The following ROR1 variants were observed in gnomAD, a reference collection of about 807,000 sequenced individuals.
ROR1 encodes the protein inactive tyrosine-protein kinase transmembrane receptor ROR1.
A neutral mutation model predicts 78.8 loss-of-function variants in ROR1; 19 were observed. The observed-to-expected ratio is 0.24, with a 90% confidence interval of 0.17 to 0.35. The LOEUF is 0.35. ROR1 is among the 10% of genes least tolerant of loss of function. ROR1 has a pLI of 1.00. For synonymous variants in ROR1, 386 were observed against 433.6 expected (o/e 0.89, Z 1.36); for missense variants, 917 against 1,177.8 (o/e 0.78, Z 3.24).
chr1:64,174,632 G>A (rs560690268), intron 8 of ROR1, among the ~76,000 whole-genome samples: 6 of 152,108 alleles, frequency 3.9e-5, no homozygotes, highest in African/African-American at 1.2e-4. Flanking sequence ...CTCCAAAAGC[G>A]TAGAGATCTT....
At chr1:64,049,649 A>C (rs373991432) in intron 2 of ROR1, 42 bp from the exon 3 acceptor site, 1 of 1,577,976 alleles carries the variant, frequency 6.3e-7, no homozygotes, top group Non-Finnish European at 8.6e-7. Context: ...AGCCCTCTCA[A>C]GCTGTCTGCC....
In ROR1 at chr1:63,791,290, A is replaced by G. The variant is rs1421405025; in HGVS notation, c.91+16782A>G. Reference sequence around the variant, plus strand: ...GGAAGGTGTGGAGAGGGAGCAGCCAATGCAGGCTCCTGTTAGAGTGCTGGA... The same window carrying G: ...GGAAGGTGTGGAGAGGGAGCAGCCAGTGCAGGCTCCTGTTAGAGTGCTGGA... On this transcript the variant is annotated intron_variant, in intron 1 of 8. Transcript: ENST00000371079. Among the ~76,000 whole-genome samples, 10 of 152,232 alleles carry G rather than the reference A, an allele frequency of 6.6e-5. No homozygotes were observed. The East Asian group carries it at 1.2e-3, about 18-fold the overall frequency.
intron 1 of ROR1, among the ~76,000 whole-genome samples, chr1:63,883,319 G>A (rs1645335576): frequency 6.6e-6 from 1 of 152,164 alleles, no homozygotes; most frequent in Admixed American, 6.5e-5. Context: ...TGTGTCTCTT[G>A]TTGGGGCAGG....
At chr1:63,937,377 C>T (rs757280842) in intron 1 of ROR1, among the ~76,000 whole-genome samples, 46 of 152,162 alleles carry the variant, frequency 3.0e-4, no homozygotes, top group Admixed American at 7.2e-4. Flanking sequence ...TCTAGGAATG[C>T]CCTTTCAGGT....
intron 4 of ROR1, among the ~76,000 whole-genome samples, chr1:64,082,598 A>G (rs1647112901): frequency 6.6e-6 from 1 of 152,230 alleles, no homozygotes. Context: ...CGGCCATACC[A>G]TGCAAGCTGA....
At chr1:64,104,236 A>G (rs1647693260) in intron 4 of ROR1, among the ~76,000 whole-genome samples, 1 of 152,168 alleles carries the variant, frequency 6.6e-6, no homozygotes. Context: ...AAACTAGTAC[A>G]TAGAAGAGTC....
intron 1 of ROR1, among the ~76,000 whole-genome samples, chr1:63,941,423 G>A (rs148318809): frequency 6.2e-4 from 94 of 152,236 alleles, no homozygotes; most frequent in Middle Eastern, 3.4e-3. Flanking sequence ...TTACTCTGGC[G>A]TTGTCTGGAT....
intron 5 of ROR1, among the ~76,000 whole-genome samples, chr1:64,138,773 A>T (rs1649207304): frequency 6.6e-6 from 1 of 152,100 alleles, no homozygotes; most frequent in Admixed American, 6.5e-5. Context: ...AATTTCAAAG[A>T]GCAGTAAGAC....
In ROR1 at chr1:63,861,021, A is replaced by G. The variant is rs1260041595; in HGVS notation, c.91+86513A>G. 3.3e-5 allele frequency among the ~76,000 whole-genome samples: 5 copies of G among 152,100 alleles called. No homozygotes were observed. In the East Asian group the frequency reaches 9.6e-4, roughly 29 times the overall value. ...TGACACACGGTTGGTAATGGCCAAGATTCTGTTTTGCCTGATGGAGTTTTG... is the reference window on the plus strand; with the variant it reads ...TGACACACGGTTGGTAATGGCCAAGGTTCTGTTTTGCCTGATGGAGTTTTG... On this transcript the variant is annotated intron_variant, in intron 1 of 8. Coordinates refer to ENST00000371079, the MANE Select transcript of ROR1 (RefSeq NM_005012.4).
intron 1 of ROR1, among the ~76,000 whole-genome samples, chr1:63,945,927 GC>G (rs1461052016): frequency 6.6e-6 from 1 of 152,180 alleles, no homozygotes; most frequent in African/African-American, 2.4e-5. Flanking sequence ...GAACTGGGGA[GC>G]CCCCAGGCCA....
intron 2 of ROR1, 29 bp downstream of exon 2, chr1:64,009,405 G>A (rs777325253): frequency 9.8e-6 from 15 of 1,532,754 alleles, no homozygotes; most frequent in Admixed American, 8.4e-5. Context: ...CAGGGGAGGC[G>A]AGGAAAGAGG....
intron 4 of ROR1, among the ~76,000 whole-genome samples, chr1:64,062,877 G>A (rs528366151): frequency 9.2e-5 from 14 of 152,330 alleles, no homozygotes; most frequent in African/African-American, 3.1e-4. Context: ...AATATTGTAT[G>A]TAATTAGCCT....
chr1:64,064,907 C>A (rs1646944621), intron 4 of ROR1, among the ~76,000 whole-genome samples: 1 of 152,124 alleles, frequency 6.6e-6, no homozygotes. Context: ...GATCTTAGAG[C>A]CATCTAATAG....
At chr1:64,177,367 A>T in intron 8 of ROR1, 61 bp from the exon 9 acceptor site, 1 of 1,296,094 alleles carries the variant, frequency 7.7e-7, no homozygotes, top group South Asian at 1.4e-5. Flanking sequence ...CTCCTTTCGG[A>T]TGCAAAGCTG....
At chr1:63,959,672 G>T (rs1466495081) in intron 1 of ROR1, among the ~76,000 whole-genome samples, 1 of 152,114 alleles carries the variant, frequency 6.6e-6, no homozygotes, top group Non-Finnish European at 1.5e-5. Context: ...CACCATCTTT[G>T]CTGGGCACAG....
chr1:64,002,705 AG>A (rs1185989983), intron 1 of ROR1, among the ~76,000 whole-genome samples: 2 of 152,120 alleles, frequency 1.3e-5, no homozygotes, highest in Admixed American at 1.3e-4. Context: ...ATCTCCAAAG[AG>A]GAAAAAAAAA....
At chr1:63,800,912 A>C (rs567708103) in intron 1 of ROR1, among the ~76,000 whole-genome samples, 6 of 151,608 alleles carry the variant, frequency 4.0e-5, no homozygotes, top group African/African-American at 1.5e-4. Flanking sequence ...TAACCTTTTT[A>C]ATCTCAGATG....
chr1:63,920,244 A>G (rs1049584765), intron 1 of ROR1, among the ~76,000 whole-genome samples: 1 of 152,194 alleles, frequency 6.6e-6, no homozygotes, highest in Non-Finnish European at 1.5e-5. Flanking sequence ...ATTAAACAAC[A>G]AAACAGCACC....
chr1:63,988,046 G>A (rs11579277), intron 1 of ROR1, among the ~76,000 whole-genome samples: 1 of 152,094 alleles, frequency 6.6e-6, no homozygotes, highest in African/African-American at 2.4e-5. Flanking sequence ...GCAAGACCTA[G>A]ATTTTCTTTT....
Sources: gnomAD v4.1 joint callset for allele counts (sites outside exome capture counted in the v4.1 genomes callset) on GRCh38, gnomAD v4.1.1 for gene constraint, MANE v1.5 for transcripts, NCBI Gene and HGNC (gene_info 2026-07-23, HGNC 2026-07-21) for gene names.